The following HYOU1 variants were observed in gnomAD, a reference collection of about 807,000 sequenced individuals.
HYOU1 encodes hypoxia up-regulated protein 1.
Under a neutral mutation model 120.5 loss-of-function variants are expected in HYOU1, and 40 were observed. That is an observed-to-expected ratio of 0.33 (90% CI 0.26 to 0.43). HYOU1 has a LOEUF of 0.43. Among genes scored for constraint, HYOU1 ranks in the 20% least tolerant of loss-of-function variants. The probability of loss-of-function intolerance (pLI) is 1.00; values close to 1 mark genes in which losing one functional copy is unlikely to be tolerated. For missense variants in HYOU1, 1,085 were observed against 1,278.3 expected (o/e 0.85, Z 2.31); for synonymous variants, 501 against 479.4 (o/e 1.05, Z -0.59).
At chr11:119,053,016 A>C in intron 8 of HYOU1, 187 bp from the exon 9 acceptor site, 1 of 563,474 alleles carries the variant, frequency 1.8e-6, no homozygotes, top group Non-Finnish European at 3.1e-6. Flanking sequence ...CCTCGCAGTG[A>C]CCCTTCTTCC....
intron 15 of HYOU1, 26 bp downstream of exon 15, chr11:119,049,751 C>A: frequency 6.2e-7 from 1 of 1,612,332 alleles, no homozygotes; most frequent in South Asian, 1.1e-5. Flanking sequence ...TATTCTCTCC[C>A]ATACACACAT....
intron 14 of HYOU1, among the ~76,000 whole-genome samples, chr11:119,050,719 CCAAAAAAAAAAAAAAAAAAAAAAAAAA>C (rs1944384180): frequency 3.8e-5 from 2 of 52,868 alleles, no homozygotes; most frequent in Admixed American, 4.8e-4. Flanking sequence ...AAGACCCTCT[CCAAAAAAAAAAAAAAAAAAAAAAAAAA>C]AAAAAAAAAA....
chr11:119,049,267 C>A (rs2133571288), intron 16 of HYOU1, 64 bp from the exon 17 acceptor site: 5 of 1,589,406 alleles, frequency 3.1e-6, no homozygotes, highest in African/African-American at 2.7e-5. Context: ...AGGCCTGGCT[C>A]GGCACCGCCG....
Position 119,046,950 on chromosome 11 carries a change from T to G in HYOU1, c.2596-148A>C, listed in dbSNP as rs1190505527. Reference sequence around the variant, plus strand: ...CCTCAGCCCCAAGAGGCTAACAGACTCCTCAGAAGGGTATTAAAGGTTCTC... The same window carrying G: ...CCTCAGCCCCAAGAGGCTAACAGACGCCTCAGAAGGGTATTAAAGGTTCTC... On this transcript the variant is annotated intron_variant, in intron 22 of 25. Coordinates refer to ENST00000617285, the MANE Select transcript of HYOU1 (RefSeq NM_006389.5). The G allele has an allele frequency of 2.8e-5, 29 of 1,018,590 alleles. No individual in the cohort carries two copies. In the Admixed American group the frequency reaches 7.6e-4, roughly 27 times the overall value. The allele number at this position is 1,018,590 out of a possible 1,614,324, so 63.1% of individuals were successfully genotyped here.
At position 119,045,083 on chromosome 11, in the gene HYOU1, C is replaced by T. The variant is rs782784553; in HGVS notation, c.*510G>A. On this transcript the variant is annotated 3_prime_UTR_variant, in exon 26 of 26. Coordinates refer to ENST00000617285, the MANE Select transcript of HYOU1 (RefSeq NM_006389.5). ...AGGGAGGCTCAGAGCAAGAGAAGCC[C>T]GCAGAGGGAGGAAAGAGCACAGATA... 8 of 450,716 alleles carry T rather than the reference C, an allele frequency of 1.8e-5. No individual in the cohort carries two copies. The highest frequency in any genetic ancestry group is 7.0e-5 in the East Asian group (1 of 14,196). 27.9% of individuals were successfully genotyped at this position (450,716 alleles called of 1,614,324 possible).
chr11:119,049,259 G>A (rs2133571187), intron 16 of HYOU1, 56 bp from the exon 17 acceptor site: 2 of 1,591,704 alleles, frequency 1.3e-6, no homozygotes, highest in South Asian at 2.3e-5. Context: ...CTCCAGGCAG[G>A]CCTGGCTCGG....
intron 22 of HYOU1, 40 bp downstream of exon 22, chr11:119,047,694 G>T: frequency 6.6e-7 from 1 of 1,518,984 alleles, no homozygotes; most frequent in Non-Finnish European, 9.1e-7. Context: ...TACCTAGGAT[G>T]GCAGCTAAGT....
intron 14 of HYOU1, among the ~76,000 whole-genome samples, chr11:119,050,274 G>A (rs2133577950): frequency 1.1e-4 from 16 of 152,084 alleles, no homozygotes; most frequent in African/African-American, 3.6e-4. Context: ...TTAGCCAGGT[G>A]TGGTGGCAGG....
chr11:119,047,635 G>T, intron 22 of HYOU1, 99 bp downstream of exon 22: 2 of 993,600 alleles, frequency 2.0e-6, no homozygotes, highest in Non-Finnish European at 3.2e-6. Context: ...TAGATGCTAA[G>T]CCAGGAGGCA....
chr11:119,053,209 T>C (rs1302572193), intron 8 of HYOU1: 2 of 191,474 alleles, frequency 1.0e-5, no homozygotes, highest in Admixed American at 5.6e-5. Context: ...AGAACATGCA[T>C]GGGGGGAGAT....
chr11:119,052,183 T>C lies in HYOU1; in HGVS notation c.1123-11A>G. 1 of 1,614,128 alleles carries C rather than the reference T, an allele frequency of 6.2e-7. No individual in the cohort carries two copies. The highest frequency in any genetic ancestry group is 8.5e-7 in the Non-Finnish European group (1 of 1,179,996). On this transcript the variant is annotated splice_polypyrimidine_tract_variant and intron_variant, in intron 10 of 25. Transcript: ENST00000617285. The surrounding 1 kb of genome is among the most constrained non-coding windows in gnomAD (Gnocchi z 5.0). ...CTGCTCAATCTCATCCTGCAGTGGG[T>C]AAGAATGACAGGTGCAACAGCATGC... is the stretch of plus-strand genomic sequence containing the variant.
chr11:119,045,660 G>A lies in HYOU1; in HGVS notation c.2939-6C>T. ...TTGTTCTTTCTGTTCAGGTTCTGTT[G>A]GGAGTTTGGGGGAGCAAAGGAATCA... is the stretch of plus-strand genomic sequence containing the variant. On this transcript the variant is annotated splice_polypyrimidine_tract_variant and splice_region_variant and intron_variant, in intron 25 of 25. Transcript: ENST00000617285. 2 of 1,614,114 alleles carry A rather than the reference G, an allele frequency of 1.2e-6. No individual in the cohort carries two copies. The highest frequency in any genetic ancestry group is 1.7e-6 in the Non-Finnish European group (2 of 1,179,980).
intron 6 of HYOU1, 40 bp from the exon 7 acceptor site, chr11:119,054,715 C>T (rs1232760083): frequency 3.2e-6 from 5 of 1,586,486 alleles, no homozygotes; most frequent in South Asian, 2.2e-5. Context: ...CGGCTCCATA[C>T]CTTAGATGAG....
chr11:119,048,532 T>C lies in HYOU1; in HGVS notation c.2197A>G (p.Lys733Glu), dbSNP rs1413927751. ...TTGGCAGCTTTTTCCCGTTCCTGCT[T>C]CTCCAGGTCTCGGAGTGTCAAGTCC... ...LQDLTLRDLEKQEREKAANSL... is the reference protein window; with the variant it reads ...LQDLTLRDLEEQEREKAANSL... Residue 733 changes from lysine to glutamate, a missense_variant, in exon 19 of 26, where the codon AAG becomes GAG. Transcript: ENST00000617285. The surrounding 1 kb of genome is among the most constrained non-coding windows in gnomAD (Gnocchi z 4.7). 1 of 1,613,802 alleles carries C rather than the reference T, an allele frequency of 6.2e-7. No individual in the cohort carries two copies. The highest frequency in any genetic ancestry group is 1.7e-5 in the Admixed American group (1 of 59,982).
chr11:119,048,984 G>A lies in HYOU1; in HGVS notation c.1992+34C>T, dbSNP rs1944250565. The A allele has an allele frequency of 2.5e-6, 4 of 1,612,742 alleles. No individual in the cohort carries two copies. Among genetic ancestry groups the A allele is most frequent in the Non-Finnish European group, 3.4e-6 (4 of 1,178,966 alleles). On this transcript the variant is annotated intron_variant, in intron 17 of 25. Coordinates refer to ENST00000617285, the MANE Select transcript of HYOU1 (RefSeq NM_006389.5). The surrounding 1 kb of genome is among the most constrained non-coding windows in gnomAD (Gnocchi z 4.7). The stretch of plus-strand genomic sequence containing the variant: ...GCAGGCGCCTGCTCCCTTAGCCTCT[G>A]GATCCACACTGGCCTTCCTCTGCCA...
chr11:119,054,950 G>A (rs1266621400), intron 6 of HYOU1, 34 bp downstream of exon 6: 2 of 1,597,858 alleles, frequency 1.3e-6, no homozygotes, highest in Admixed American at 3.3e-5. Context: ...ATCCTGGGGA[G>A]CCTGGCCCTA....
Position 119,055,593 on chromosome 11 carries a change from C to T in HYOU1, c.186-22G>A, listed in dbSNP as rs2133614457. On this transcript the variant is annotated intron_variant, in intron 3 of 25. Coordinates refer to ENST00000617285, the MANE Select transcript of HYOU1 (RefSeq NM_006389.5). The surrounding 1 kb of genome is among the most constrained non-coding windows in gnomAD (Gnocchi z 4.0). ...TTCCCTGAGGAAAAGAGATTTTGGG[C>T]CCAGGTGCCTGCAGCAGAAGGACTC... 4.4e-6 allele frequency: 7 copies of T among 1,604,934 alleles called. No individual in the cohort carries two copies. The highest frequency in any genetic ancestry group is 6.0e-6 in the Non-Finnish European group (7 of 1,171,686).
At position 119,044,769 on chromosome 11, in the gene HYOU1, G is replaced by A; in HGVS notation, c.*824C>T. Reference sequence around the variant, plus strand: ...AGGCAGGGAGTTACAGGAACCTGGGGTACCAGGCTGCTGGGAAGATGCAGA... The same window carrying A: ...AGGCAGGGAGTTACAGGAACCTGGGATACCAGGCTGCTGGGAAGATGCAGA... On this transcript the variant is annotated 3_prime_UTR_variant, in exon 26 of 26. Coordinates refer to ENST00000617285, the MANE Select transcript of HYOU1 (RefSeq NM_006389.5). 4.9e-6 allele frequency: 1 copy of A among 203,176 alleles called. No individual in the cohort carries two copies. The highest frequency in any genetic ancestry group is 1.1e-5 in the Non-Finnish European group (1 of 95,190). 12.6% of individuals were successfully genotyped at this position (203,176 alleles called of 1,614,324 possible). A position where few individuals can be genotyped will look rare whatever the true frequency, so the allele number is the denominator to read the frequency against.
In HYOU1 at chr11:119,046,406, C is replaced by A; in HGVS notation, c.2887+11G>T. ...ACATCCACGTGCTCAACCATGGTTG[C>A]TCCAACTCACCAGTCTCTACTTTCT... is the stretch of plus-strand genomic sequence containing the variant. On this transcript the variant is annotated intron_variant, in intron 24 of 25. Coordinates refer to ENST00000617285, the MANE Select transcript of HYOU1 (RefSeq NM_006389.5). The A allele has an allele frequency of 6.2e-7, 1 of 1,613,838 alleles. No individual in the cohort carries two copies. The highest frequency in any genetic ancestry group is 8.5e-7 in the Non-Finnish European group (1 of 1,179,880).
Sources: gnomAD v4.1 joint callset for allele counts (sites outside exome capture counted in the v4.1 genomes callset) on GRCh38, gnomAD v4.1.1 for gene constraint, Gnocchi (gnomAD v3.1) non-coding constraint, MANE v1.5 for transcripts, NCBI Gene and HGNC (gene_info 2026-07-23, HGNC 2026-07-21) for gene names.